Variants in PTPRK observed in about 807,000 individuals in gnomAD.
The protein encoded by PTPRK is receptor-type tyrosine-protein phosphatase kappa.
In PTPRK, 75 loss-of-function variants were observed where a neutral mutation model predicts 178.0. That is an observed-to-expected ratio of 0.42 (90% CI 0.35 to 0.51). The LOEUF is 0.51. PTPRK is among the 20% of genes least tolerant of loss of function. PTPRK has a pLI of 0.02. For missense variants in PTPRK, 1,441 were observed against 1,797.8 expected, an observed-to-expected ratio of 0.80 and a Z score of 3.59; for synonymous variants, 637 against 620.6, an observed-to-expected ratio of 1.03 and a Z score of -0.39.
At chr6:128,515,574 A>G (rs1857867466) in intron 1 of PTPRK, among the ~76,000 whole-genome samples, 1 of 152,108 alleles carries the variant, frequency 6.6e-6, no homozygotes, top group South Asian at 2.1e-4. Flanking sequence ...GAACTAGAAA[A>G]TGTGTTTGCG....
At chr6:128,241,355 C>T (rs936188665) in intron 4 of PTPRK, 14 of 527,084 alleles carry the variant, frequency 2.7e-5, no homozygotes, top group African/African-American at 1.9e-4. Flanking sequence ...TCAGGCCCCA[C>T]CCCAGACCTA....
Position 128,516,724 on chromosome 6 carries a change from T to C in PTPRK, c.100+3535A>G, listed in dbSNP as rs1053311776. Among the ~76,000 whole-genome samples, 4 of 152,254 alleles carry C rather than the reference T, an allele frequency of 2.6e-5. No individual in the cohort carries two copies. In the East Asian group the frequency reaches 5.8e-4, roughly 22 times the overall value. ...ATCTCGAGCTGTATTTCCAGGCTCCTATCATACAAGAGAGACAATAGTCCC... is the reference window on the plus strand; with the variant it reads ...ATCTCGAGCTGTATTTCCAGGCTCCCATCATACAAGAGAGACAATAGTCCC... On this transcript the variant is annotated intron_variant, in intron 1 of 29. Coordinates refer to ENST00000368226, the MANE Select transcript of PTPRK (RefSeq NM_002844.4).
chr6:128,096,724 T>G (rs1301089525), intron 7 of PTPRK, among the ~76,000 whole-genome samples: 1 of 152,200 alleles, frequency 6.6e-6, no homozygotes, highest in African/African-American at 2.4e-5. Flanking sequence ...ATCAGAAATC[T>G]TAGAAGCTGA....
At chr6:128,051,353 C>G (rs1778968991) in intron 13 of PTPRK, among the ~76,000 whole-genome samples, 1 of 152,102 alleles carries the variant, frequency 6.6e-6, no homozygotes, top group Admixed American at 6.6e-5. Flanking sequence ...AAAGTCTCCC[C>G]AACCACTTTA....
At chr6:128,343,625 T>C (rs1243858936) in intron 2 of PTPRK, among the ~76,000 whole-genome samples, 1 of 151,842 alleles carries the variant, frequency 6.6e-6, no homozygotes, top group Non-Finnish European at 1.5e-5. Context: ...TGCATTTAAA[T>C]AAAAAAAATT....
intron 3 of PTPRK, among the ~76,000 whole-genome samples, chr6:128,299,017 C>T (rs1236361537): frequency 3.3e-5 from 5 of 152,186 alleles, no homozygotes; most frequent in Admixed American, 2.0e-4. Context: ...GCAACTTCAG[C>T]GAAGTCTCAG....
At chr6:128,075,879 A>T (rs952212978) in intron 11 of PTPRK, among the ~76,000 whole-genome samples, 2 of 151,988 alleles carry the variant, frequency 1.3e-5, no homozygotes, top group Non-Finnish European at 2.9e-5. Flanking sequence ...TGAAATGCAA[A>T]ATGGCAGAGG....
intron 2 of PTPRK, among the ~76,000 whole-genome samples, chr6:128,345,206 G>T (rs1000831118): frequency 2.6e-5 from 4 of 152,034 alleles, no homozygotes; most frequent in African/African-American, 9.7e-5. Context: ...ATACATCTGA[G>T]GGAGTCTTCA....
At position 128,216,710 on chromosome 6, in the gene PTPRK, A is replaced by G. The variant is rs185192760; in HGVS notation, c.868+2212T>C. On this transcript the variant is annotated intron_variant, in intron 6 of 29. Coordinates refer to ENST00000368226, the MANE Select transcript of PTPRK (RefSeq NM_002844.4). ...AGGCTTTGATAAAATAATAAAATCT[A>G]CTTATCAATTAAGATAAACAAAAGA... Among the ~76,000 whole-genome samples, 5 of 152,240 alleles carry G rather than the reference A, an allele frequency of 3.3e-5. No homozygotes were observed. In the East Asian group the frequency reaches 9.6e-4, roughly 29 times the overall value.
intron 3 of PTPRK, among the ~76,000 whole-genome samples, chr6:128,292,404 T>A (rs967903860): frequency 2.6e-5 from 4 of 152,122 alleles, no homozygotes; most frequent in Non-Finnish European, 5.9e-5. Context: ...TTTTAAAATA[T>A]ATTAAATAAC....
intron 14 of PTPRK, chr6:128,006,002 G>A: frequency 6.6e-7 from 1 of 1,524,840 alleles, no homozygotes; most frequent in Non-Finnish European, 9.0e-7. Flanking sequence ...ACGTAAAGTT[G>A]TACATCACCC....
At chr6:128,027,797 T>C (rs1253241587) in intron 13 of PTPRK, 1 of 152,300 alleles carries the variant, frequency 6.6e-6, no homozygotes, top group East Asian at 1.9e-4. Context: ...TTCACTCTGT[T>C]GGCCAAGTTG....
chr6:128,352,407 ACTACCT>A (rs1833303402), intron 2 of PTPRK, among the ~76,000 whole-genome samples: 1 of 10,312 alleles, frequency 9.7e-5, no homozygotes, highest in Non-Finnish European at 6.9e-4. Flanking sequence ...TCATTCTGCA[ACTACCT>A]CTAGTTGCAG....
At chr6:128,189,952 T>A (rs1803473806) in intron 6 of PTPRK, among the ~76,000 whole-genome samples, 1 of 152,152 alleles carries the variant, frequency 6.6e-6, no homozygotes, top group South Asian at 2.1e-4. Flanking sequence ...TTTTAAATTA[T>A]GTCAACAAGT....
intron 8 of PTPRK, among the ~76,000 whole-genome samples, chr6:128,089,007 G>A (rs1338990207): frequency 1.3e-5 from 2 of 152,180 alleles, no homozygotes; most frequent in Non-Finnish European, 2.9e-5. Flanking sequence ...TTGTTGCCCA[G>A]GCTGGAGTGC....
At chr6:128,506,792 C>A (rs1255791023) in intron 1 of PTPRK, among the ~76,000 whole-genome samples, 4 of 151,540 alleles carry the variant, frequency 2.6e-5, no homozygotes, top group Non-Finnish European at 5.9e-5. Context: ...CTTTGTTAAT[C>A]AGCATATTGA....
chr6:127,996,194 A>C (rs568997122), intron 17 of PTPRK, among the ~76,000 whole-genome samples: 1 of 152,240 alleles, frequency 6.6e-6, no homozygotes, highest in African/African-American at 2.4e-5. Context: ...ACTGGAGTTT[A>C]GACAGTGGCT....
chr6:128,190,952 A>G (rs1803687752), intron 6 of PTPRK, among the ~76,000 whole-genome samples: 1 of 152,192 alleles, frequency 6.6e-6, no homozygotes, highest in Admixed American at 6.5e-5. Context: ...AGCTACCACT[A>G]TCTACTACCA....
At chr6:128,019,713 C>T (rs1207804836) in intron 13 of PTPRK, among the ~76,000 whole-genome samples, 2 of 152,170 alleles carry the variant, frequency 1.3e-5, no homozygotes, top group African/African-American at 4.8e-5. Context: ...AATATCTCCA[C>T]TCTCGTGCAG....
Sources: allele counts gnomAD v4.1 joint callset (sites outside exome capture counted in the v4.1 genomes callset), GRCh38; gene constraint gnomAD v4.1.1; transcripts MANE v1.5; gene names NCBI Gene and HGNC (gene_info 2026-07-23, HGNC 2026-07-21).